PDE4D: variants seen among roughly 807,000 people sequenced by gnomAD.
The protein encoded by PDE4D is 3',5'-cyclic-AMP phosphodiesterase 4D.
In PDE4D, 24 loss-of-function variants were observed where a neutral mutation model predicts 87.4. The ratio of observed to expected loss-of-function variants is 0.27; its 90% CI spans 0.20 to 0.39. The LOEUF is 0.39. Among genes scored for constraint, PDE4D ranks in the 10% least tolerant of loss-of-function variants. The pLI, the probability that PDE4D is intolerant of heterozygous loss-of-function variation, is 1.00. For synonymous variants in PDE4D, 384 were observed against 383.2 expected, an observed-to-expected ratio of 1.00 and a Z score of -0.02; for missense variants, 714 against 1,041.0, an observed-to-expected ratio of 0.69 and a Z score of 4.32.
At chr5:59,845,310 A>G (rs1743673177) in intron 1 of PDE4D, among the ~76,000 whole-genome samples, 1 of 152,072 alleles carries the variant, frequency 6.6e-6, no homozygotes, top group Non-Finnish European at 1.5e-5. Context: ...ACTTCCACTC[A>G]GCTTTCAGGT....
chr5:59,348,021 TA>T (rs1779889874), intron 1 of PDE4D, among the ~76,000 whole-genome samples: 1 of 152,160 alleles, frequency 6.6e-6, no homozygotes, highest in Admixed American at 6.6e-5. Context: ...TTAACTTGTT[TA>T]TTTTCTGTCT....
intron 1 of PDE4D, among the ~76,000 whole-genome samples, chr5:60,433,207 C>G (rs1465624928): frequency 1.3e-5 from 2 of 152,064 alleles, no homozygotes; most frequent in African/African-American, 4.8e-5. Context: ...TATCCAGAAT[C>G]TATAAGGAAC....
intron 1 of PDE4D, among the ~76,000 whole-genome samples, chr5:60,389,987 C>T (rs1019870488): frequency 1.3e-5 from 2 of 152,230 alleles, no homozygotes; most frequent in Non-Finnish European, 2.9e-5. Flanking sequence ...CATTACTATT[C>T]TCTCTCGCTC....
intron 1 of PDE4D, among the ~76,000 whole-genome samples, chr5:59,875,460 CAAAAAAAAAA>C (rs3062667): frequency 5.0e-5 from 2 of 39,688 alleles, no homozygotes; most frequent in Admixed American, 4.3e-4. Context: ...ACCTCCGTCT[CAAAAAAAAAA>C]AAAAAAAAAA....
intron 1 of PDE4D, among the ~76,000 whole-genome samples, chr5:60,192,111 T>C (rs923906896): frequency 1.3e-5 from 2 of 152,118 alleles, no homozygotes; most frequent in African/African-American, 4.8e-5. Flanking sequence ...TGTTAAAAAT[T>C]AGAGGTATAA....
At chr5:60,484,115 G>T (rs1308767710) in intron 1 of PDE4D, among the ~76,000 whole-genome samples, 1 of 150,252 alleles carries the variant, frequency 6.7e-6, no homozygotes, top group African/African-American at 2.4e-5. Context: ...AGACTACTAG[G>T]AATAAGCATC....
Position 58,975,892 on chromosome 5 carries a change from A to G in PDE4D, c.1831-53T>C, listed in dbSNP as rs1293429882. ...CACTCCTGTTCCTTTTTTTTAAAAA[A>G]AAAAACAAAAAAAACTAGAAATTCA... On this transcript the variant is annotated intron_variant, in intron 13 of 14. Coordinates refer to ENST00000340635, the MANE Select transcript of PDE4D (RefSeq NM_001104631.2). The surrounding 1 kb of genome is among the most constrained non-coding windows in gnomAD (Gnocchi z 4.2). The G allele has an allele frequency of 3.4e-5, 43 of 1,255,306 alleles. No homozygotes were observed. In the Admixed American group the frequency reaches 1.2e-3, roughly 36 times the overall value. 77.8% of individuals were successfully genotyped at this position (1,255,306 alleles called of 1,614,324 possible).
At chr5:59,259,752 G>A (rs1761642730) in intron 1 of PDE4D, among the ~76,000 whole-genome samples, 1 of 151,656 alleles carries the variant, frequency 6.6e-6, no homozygotes, top group African/African-American at 2.4e-5. Context: ...CAAAAACAAG[G>A]GTTAAAAGCA....
In PDE4D at chr5:59,609,377, T is replaced by TACACACACACACACACACAC. The variant is rs61116888; in HGVS notation, c.455+283771_455+283790dup. 1.7e-3 allele frequency among the ~76,000 whole-genome samples: 254 copies of TACACACACACACACACACAC among 147,678 alleles called. 1 individual carries two copies. Among genetic ancestry groups the TACACACACACACACACACAC allele is most frequent in the South Asian group, 6.9e-3 (32 of 4,610 alleles). On this transcript the variant is annotated intron_variant, in intron 1 of 14. Coordinates refer to ENST00000340635, the MANE Select transcript of PDE4D (RefSeq NM_001104631.2). ...CGTATATCTCTCTAATTTGTATATGTACACACACACACACACACACACATA... is the reference window on the plus strand; with the variant it reads ...CGTATATCTCTCTAATTTGTATATGTACACACACACACACACACACACACACACACACACACACACACATA...
intron 1 of PDE4D, among the ~76,000 whole-genome samples, chr5:59,700,231 C>A (rs981924689): frequency 1.3e-5 from 2 of 152,128 alleles, no homozygotes; most frequent in African/African-American, 4.8e-5. Context: ...CAATTAATTG[C>A]AAACACAATT....
At chr5:59,525,906 C>G (rs910495533) in intron 1 of PDE4D, among the ~76,000 whole-genome samples, 11 of 152,162 alleles carry the variant, frequency 7.2e-5, no homozygotes, top group African/African-American at 2.7e-4. Context: ...TTTCCTGAAG[C>G]CTTTCCAGTC....
In PDE4D at chr5:59,471,927, T is replaced by A. The variant is rs1465615256; in HGVS notation, c.456-255959A>T. ...ATTCCATATTTTTTATATAAAAAAATTAAACTGTACTTGCCTTATTCCACA... is the reference window on the plus strand; with the variant it reads ...ATTCCATATTTTTTATATAAAAAAAATAAACTGTACTTGCCTTATTCCACA... On this transcript the variant is annotated intron_variant, in intron 1 of 14. Coordinates refer to ENST00000340635, the MANE Select transcript of PDE4D (RefSeq NM_001104631.2). Among the ~76,000 whole-genome samples, 5 of 152,268 alleles carry A rather than the reference T, an allele frequency of 3.3e-5. No individual in the cohort carries two copies. The Middle Eastern group carries it at 0.01, about 311-fold the overall frequency.
At chr5:59,228,225 A>G (rs1325307403) in intron 1 of PDE4D, among the ~76,000 whole-genome samples, 1 of 152,076 alleles carries the variant, frequency 6.6e-6, no homozygotes, top group East Asian at 1.9e-4. Context: ...ACAGAAAGAG[A>G]GGAACAATAG....
chr5:59,319,352 T>C (rs1172675216), intron 1 of PDE4D, among the ~76,000 whole-genome samples: 1 of 152,132 alleles, frequency 6.6e-6, no homozygotes, highest in African/African-American at 2.4e-5. Flanking sequence ...CCTGGTATAA[T>C]ACTTTTAAAG....
At chr5:60,042,496 A>T (rs533277123) in intron 2 of PDE4D, among the ~76,000 whole-genome samples, 15 of 152,294 alleles carry the variant, frequency 9.8e-5, no homozygotes, top group African/African-American at 3.6e-4. Context: ...GTGCCTCCTG[A>T]CTGGGAGATA....
chr5:60,217,670 A>G (rs151244196), intron 1 of PDE4D, among the ~76,000 whole-genome samples: 1 of 151,958 alleles, frequency 6.6e-6, no homozygotes, highest in Non-Finnish European at 1.5e-5. Context: ...ATTTTTTTAC[A>G]TATTTATCAG....
Position 60,078,228 on chromosome 5 carries a change from G to T in PDE4D, c.43-89511C>A, listed in dbSNP as rs554909738. On this transcript the variant is annotated intron_variant, in intron 2 of 16. Transcript: ENST00000502484. ...TGTGTTTTAGGTTCTGTGGAGATAG[G>T]CTTTCTCAACAAAATCAGAGTTGTG... Among the ~76,000 whole-genome samples the T allele has an allele frequency of 2.0e-5, 3 of 152,204 alleles. No homozygotes were observed. In the South Asian group the frequency reaches 6.2e-4, roughly 32 times the overall value.
chr5:60,105,628 T>G (rs563773900), intron 2 of PDE4D, among the ~76,000 whole-genome samples: 3 of 151,630 alleles, frequency 2.0e-5, no homozygotes, highest in African/African-American at 7.3e-5. Context: ...TTGGGTTACC[T>G]ACAAAGGGAA....
chr5:59,545,627 A>G (rs568457301), intron 1 of PDE4D, among the ~76,000 whole-genome samples: 1 of 152,348 alleles, frequency 6.6e-6, no homozygotes, highest in African/African-American at 2.4e-5. Flanking sequence ...CTTTTCACCT[A>G]GATTACAGGA....
Sources: allele counts gnomAD v4.1 joint callset (sites outside exome capture counted in the v4.1 genomes callset), GRCh38; gene constraint gnomAD v4.1.1; non-coding constraint Gnocchi (gnomAD v3.1); transcripts MANE v1.5; gene names NCBI Gene and HGNC (gene_info 2026-07-23, HGNC 2026-07-21).